Variants in PTK2 observed in about 807,000 individuals in gnomAD.
PTK2 encodes protein tyrosine kinase 2.
Under a neutral mutation model 150.1 loss-of-function variants are expected in PTK2, and 45 were observed. That is an observed-to-expected ratio of 0.30 (90% CI 0.24 to 0.38). The LOEUF (loss-of-function observed/expected upper bound fraction) is 0.38. Among genes scored for constraint, PTK2 ranks in the 10% least tolerant of loss-of-function variants. The pLI is 1.00. For synonymous variants in PTK2, 432 were observed against 449.2 expected (o/e 0.96, Z 0.48); for missense variants, 919 against 1,307.3 (o/e 0.70, Z 4.58).
chr8:140,818,178 T>C (rs1267259730), intron 10 of PTK2, 99 bp downstream of exon 10: 1 of 1,165,396 alleles, frequency 8.6e-7, no homozygotes, highest in Admixed American at 1.9e-5. Flanking sequence ...ATAGGAAAAT[T>C]TAATTGTAAA....
intron 22 of PTK2, among the ~76,000 whole-genome samples, chr8:140,724,894 T>C (rs578067681): frequency 1.3e-5 from 2 of 152,362 alleles, no homozygotes; most frequent in East Asian, 3.9e-4. Context: ...AAGGCCATGA[T>C]CACAGCATTA....
At chr8:140,915,339 G>A (rs926110491) in intron 2 of PTK2, among the ~76,000 whole-genome samples, 10 of 152,026 alleles carry the variant, frequency 6.6e-5, no homozygotes, top group Admixed American at 4.6e-4. Flanking sequence ...AAGGTGGGAG[G>A]ATTGCTTGAG....
At chr8:140,682,078 C>T (rs1476094994) in intron 27 of PTK2, among the ~76,000 whole-genome samples, 3 of 152,132 alleles carry the variant, frequency 2.0e-5, no homozygotes, top group African/African-American at 4.8e-5. Flanking sequence ...AAAAATATTG[C>T]TTGAACAAAT....
At chr8:140,983,762 G>A (rs1486993265) in intron 1 of PTK2, 3 of 152,156 alleles carry the variant, frequency 2.0e-5, no homozygotes, top group Non-Finnish European at 4.4e-5. Flanking sequence ...TTTACAAACT[G>A]AGCAAAGATG....
chr8:140,699,691 G>A (rs1452796927), intron 26 of PTK2, among the ~76,000 whole-genome samples: 1 of 152,032 alleles, frequency 6.6e-6, no homozygotes, highest in Non-Finnish European at 1.5e-5. Flanking sequence ...TAAACAATGT[G>A]GTAATGCAAA....
chr8:140,860,069 C>T (rs1472844079), intron 5 of PTK2, among the ~76,000 whole-genome samples: 2 of 152,122 alleles, frequency 1.3e-5, no homozygotes, highest in African/African-American at 2.4e-5. Flanking sequence ...GAAAATTATA[C>T]AGGTTTTATA....
At chr8:140,984,417 A>C (rs2100192559) in intron 1 of PTK2, among the ~76,000 whole-genome samples, 1 of 152,152 alleles carries the variant, frequency 6.6e-6, no homozygotes, top group African/African-American at 2.4e-5. Context: ...TCCACAGACC[A>C]CCAGCCCTGG....
At chr8:140,948,719 T>C (rs772443081) in intron 1 of PTK2, 12 of 152,152 alleles carry the variant, frequency 7.9e-5, no homozygotes, top group Non-Finnish European at 1.3e-4. Context: ...CAACCAACCA[T>C]GGATCTAAAA....
At chr8:140,928,139 T>C (rs2100170402) in intron 1 of PTK2, among the ~76,000 whole-genome samples, 1 of 151,588 alleles carries the variant, frequency 6.6e-6, no homozygotes, top group African/African-American at 2.4e-5. Flanking sequence ...TTCCCTCCCG[T>C]ATGCTTTTGG....
At chr8:140,767,696 C>T (rs1246050038) in intron 14 of PTK2, among the ~76,000 whole-genome samples, 5 of 152,190 alleles carry the variant, frequency 3.3e-5, no homozygotes, top group Non-Finnish European at 5.9e-5. Context: ...ATGTTGCCCA[C>T]GCTGGTCTCA....
intron 23 of PTK2, among the ~76,000 whole-genome samples, chr8:140,710,285 A>G (rs566541547): frequency 1.2e-3 from 179 of 150,984 alleles, no homozygotes; most frequent in African/African-American, 4.1e-3. Flanking sequence ...ACCTGAGATC[A>G]TATCACTGCA....
intron 7 of PTK2, among the ~76,000 whole-genome samples, chr8:140,840,644 A>AT: frequency 6.6e-6 from 1 of 152,312 alleles, no homozygotes; most frequent in East Asian, 1.9e-4. Context: ...TTTCAACGTA[A>AT]TTACAGAAGA....
intron 3 of PTK2, among the ~76,000 whole-genome samples, chr8:140,885,857 T>C (rs1009504844): frequency 1.3e-5 from 2 of 152,022 alleles, no homozygotes; most frequent in Non-Finnish European, 2.9e-5. Flanking sequence ...GACGTGCATG[T>C]TGACTAAATG....
At chr8:140,901,588 G>T (rs141735045) in intron 2 of PTK2, among the ~76,000 whole-genome samples, 77 of 150,498 alleles carry the variant, frequency 5.1e-4, no homozygotes, top group African/African-American at 1.7e-3. Flanking sequence ...GGAGTTGGAG[G>T]TACAATGAGC....
At chr8:140,755,060 G>T (rs780658958) in intron 16 of PTK2, among the ~76,000 whole-genome samples, 21 of 152,256 alleles carry the variant, frequency 1.4e-4, no homozygotes, top group Middle Eastern at 3.4e-3. Flanking sequence ...GCAAGATTAG[G>T]CTCTGAATTA....
intron 10 of PTK2, among the ~76,000 whole-genome samples, chr8:140,812,854 C>A (rs927887560): frequency 8.5e-5 from 13 of 152,204 alleles, no homozygotes; most frequent in East Asian, 3.9e-4. Flanking sequence ...TATAAAAAAA[C>A]CAAACAGCAG....
At chr8:140,919,279 T>C (rs2154608219) in intron 2 of PTK2, among the ~76,000 whole-genome samples, 1 of 152,338 alleles carries the variant, frequency 6.6e-6, no homozygotes, top group African/African-American at 2.4e-5. Flanking sequence ...TCTATCATAA[T>C]GCATATTTCA....
Position 140,817,698 on chromosome 8 carries a change from G to T in PTK2, c.867+579C>A, listed in dbSNP as rs990079163. Among the ~76,000 whole-genome samples the T allele has an allele frequency of 2.4e-4, 37 of 152,054 alleles. 1 individual carries two copies. The highest frequency in any genetic ancestry group is 2.3e-3 in the Admixed American group (35 of 15,270). On this transcript the variant is annotated intron_variant, in intron 10 of 31. Transcript: ENST00000522684. Reference sequence around the variant, plus strand: ...TTCCTTATTGTATCTCAAACCTCTAGACTGCCTGGCACCAAGCAGGTTCTC... The same window carrying T: ...TTCCTTATTGTATCTCAAACCTCTATACTGCCTGGCACCAAGCAGGTTCTC...
intron 1 of PTK2, among the ~76,000 whole-genome samples, chr8:140,979,008 G>A (rs1331469813): frequency 2.0e-5 from 3 of 148,446 alleles, no homozygotes; most frequent in Non-Finnish European, 4.4e-5. Flanking sequence ...CTATCGCAAG[G>A]ACAAAAAAAC....
Sources: gnomAD v4.1 joint callset for allele counts (sites outside exome capture counted in the v4.1 genomes callset) on GRCh38, gnomAD v4.1.1 for gene constraint, MANE v1.5 for transcripts, NCBI Gene and HGNC (gene_info 2026-07-23, HGNC 2026-07-21) for gene names.